Variants in FRMD3 observed in about 807,000 individuals in gnomAD.
FRMD3 encodes FERM domain-containing protein 3.
In FRMD3, 33 loss-of-function variants were observed where a neutral mutation model predicts 70.2. The ratio of observed to expected loss-of-function variants is 0.47; its 90% CI spans 0.36 to 0.63. The LOEUF (loss-of-function observed/expected upper bound fraction) is 0.63. FRMD3 is among the 20% of genes least tolerant of loss of function. The pLI, the probability that FRMD3 is intolerant of heterozygous loss-of-function variation, is 0.00. For missense variants in FRMD3, 632 were observed against 711.4 expected, an observed-to-expected ratio of 0.89 and a Z score of 1.27; for synonymous variants, 279 against 255.9, an observed-to-expected ratio of 1.09 and a Z score of -0.86.
intron 3 of FRMD3, among the ~76,000 whole-genome samples, chr9:83,355,433 T>C (rs1272822785): frequency 6.6e-6 from 1 of 152,200 alleles, no homozygotes; most frequent in East Asian, 1.9e-4. Context: ...AATGTGGTGC[T>C]CAGGCTTCAG....
chr9:83,505,987 G>C (rs952970806), intron 1 of FRMD3, among the ~76,000 whole-genome samples: 2 of 152,086 alleles, frequency 1.3e-5, no homozygotes, highest in Non-Finnish European at 2.9e-5. Context: ...CCCCCAACAA[G>C]AACTTGTGCA....
At chr9:83,370,126 GA>G (rs1321323585) in intron 3 of FRMD3, among the ~76,000 whole-genome samples, 1 of 152,138 alleles carries the variant, frequency 6.6e-6, no homozygotes, top group African/African-American at 2.4e-5. Flanking sequence ...TTCCTCCAAG[GA>G]ATTCTGCAGC....
intron 13 of FRMD3, among the ~76,000 whole-genome samples, chr9:83,283,752 C>T (rs187110042): frequency 3.9e-5 from 6 of 152,228 alleles, no homozygotes; most frequent in Admixed American, 3.9e-4. Flanking sequence ...TAAGAATGTT[C>T]AGGATAGTCC....
intron 11 of FRMD3, 35 bp from the exon 12 acceptor site, chr9:83,298,851 T>C: frequency 1.3e-6 from 2 of 1,593,830 alleles, no homozygotes; most frequent in Non-Finnish European, 1.7e-6. Flanking sequence ...TATGCACACA[T>C]AGTCAGAGAA....
intron 1 of FRMD3, among the ~76,000 whole-genome samples, chr9:83,485,157 T>C (rs753199480): frequency 2.0e-5 from 3 of 152,234 alleles, no homozygotes; most frequent in South Asian, 2.1e-4. Context: ...GGAAAGCCCA[T>C]ACAGACAACA....
chr9:83,348,706 T>C (rs1824043773), intron 4 of FRMD3, among the ~76,000 whole-genome samples: 1 of 152,052 alleles, frequency 6.6e-6, no homozygotes, highest in Admixed American at 6.6e-5. Context: ...CCATTATCTA[T>C]TACCCTCATT....
At chr9:83,424,738 C>G (rs935720346) in intron 1 of FRMD3, among the ~76,000 whole-genome samples, 9 of 152,168 alleles carry the variant, frequency 5.9e-5, no homozygotes, top group Non-Finnish European at 1.3e-4. Context: ...TCTTTAAAAA[C>G]AAGAAGACAG....
In FRMD3 at chr9:83,538,301, G is replaced by C. The variant is rs1033518545; in HGVS notation, c.-70C>G. The C allele has an allele frequency of 1.2e-5, 18 of 1,474,492 alleles. No homozygotes were observed. Among genetic ancestry groups the C allele is most frequent in the Non-Finnish European group, 1.5e-5 (17 of 1,098,786 alleles). 91.3% of individuals were successfully genotyped at this position (1,474,492 alleles called of 1,614,324 possible). The stretch of plus-strand genomic sequence containing the variant: ...GGTGCTCGCCTGCGCGGACACACAC[G>C]CTCGCACGCACTGTCCGGGACACCT... On this transcript the variant is annotated 5_prime_UTR_variant, in exon 1 of 14. Coordinates refer to ENST00000304195, the MANE Select transcript of FRMD3 (RefSeq NM_174938.6). The surrounding 1 kb of genome is among the most constrained non-coding windows in gnomAD (Gnocchi z 4.7).
intron 10 of FRMD3, among the ~76,000 whole-genome samples, chr9:83,302,045 G>A (rs1834949259): frequency 6.6e-6 from 1 of 152,182 alleles, no homozygotes; most frequent in Non-Finnish European, 1.5e-5. Flanking sequence ...ACGTTAACAG[G>A]CAGTTTATTC....
At chr9:83,563,356 C>T in the FRMD3 span, among the ~76,000 whole-genome samples, 23 of 152,308 alleles carry the variant, frequency 1.5e-4, no homozygotes, top group African/African-American at 4.8e-4. Context: ...GACAGCCCTG[C>T]TAAGCAGCCT....
chr9:83,332,836 AGGGTCAC>A (rs1823435571), intron 6 of FRMD3, among the ~76,000 whole-genome samples: 1 of 152,144 alleles, frequency 6.6e-6, no homozygotes, highest in African/African-American at 2.4e-5. Context: ...GCTAAGTGGG[AGGGTCAC>A]GGGTGTTGTG....
At chr9:83,513,200 T>C (rs927484211) in intron 1 of FRMD3, among the ~76,000 whole-genome samples, 1 of 152,194 alleles carries the variant, frequency 6.6e-6, no homozygotes, top group Non-Finnish European at 1.5e-5. Flanking sequence ...CTACAAAGCA[T>C]TTCTCCAGGT....
At chr9:83,289,367 T>A (rs1053408721) in intron 13 of FRMD3, among the ~76,000 whole-genome samples, 3 of 152,214 alleles carry the variant, frequency 2.0e-5, no homozygotes, top group Non-Finnish European at 4.4e-5. Flanking sequence ...TGTAGCCCAG[T>A]TGAAGACAAG....
chr9:83,251,242 A>G (rs889503627), intron 13 of FRMD3, among the ~76,000 whole-genome samples: 1 of 152,228 alleles, frequency 6.6e-6, no homozygotes. Flanking sequence ...TGGAGTCTGA[A>G]GCACAGCACC....
At chr9:83,365,118 A>G (rs1461205464) in intron 3 of FRMD3, among the ~76,000 whole-genome samples, 1 of 152,208 alleles carries the variant, frequency 6.6e-6, no homozygotes, top group Non-Finnish European at 1.5e-5. Context: ...GTCTTTTTAT[A>G]TATTTACTGG....
intron 1 of FRMD3, among the ~76,000 whole-genome samples, chr9:83,536,953 A>AAAAAAAAAAAAAAAAAAAAG (rs1564121093): frequency 6.8e-6 from 1 of 146,900 alleles, no homozygotes; most frequent in African/African-American, 2.5e-5. Context: ...AAAAAAAAAA[A>AAAAAAAAAAAAAAAAAAAAG]GCTCAGTCCC....
chr9:83,526,006 C>T (rs935799264), intron 1 of FRMD3, among the ~76,000 whole-genome samples: 1 of 152,212 alleles, frequency 6.6e-6, no homozygotes, highest in African/African-American at 2.4e-5. Flanking sequence ...TATGTCAGAC[C>T]TGTGTCTCTG....
chr9:83,427,307 G>C lies in FRMD3; in HGVS notation c.148-37599C>G, dbSNP rs1409377971. 2.6e-5 allele frequency among the ~76,000 whole-genome samples: 4 copies of C among 152,316 alleles called. No individual in the cohort carries two copies. The East Asian group carries it at 7.7e-4, about 29-fold the overall frequency. ...ACTGTAGGTGGTCAGCAAGTCATAGGTTCCCCTCTGGCCCTGTCACAATAA... is the reference window on the plus strand; with the variant it reads ...ACTGTAGGTGGTCAGCAAGTCATAGCTTCCCCTCTGGCCCTGTCACAATAA... On this transcript the variant is annotated intron_variant, in intron 1 of 13. Coordinates refer to ENST00000304195, the MANE Select transcript of FRMD3 (RefSeq NM_174938.6).
intron 1 of FRMD3, among the ~76,000 whole-genome samples, chr9:83,488,589 C>T (rs1226894534): frequency 6.6e-6 from 1 of 152,168 alleles, no homozygotes; most frequent in African/African-American, 2.4e-5. Context: ...TTCCACTTTC[C>T]TAATATTTGA....
Sources: allele counts gnomAD v4.1 joint callset (sites outside exome capture counted in the v4.1 genomes callset), GRCh38; gene constraint gnomAD v4.1.1; non-coding constraint Gnocchi (gnomAD v3.1); transcripts MANE v1.5; gene names NCBI Gene and HGNC (gene_info 2026-07-23, HGNC 2026-07-21).